Variants in TENM2 observed in about 807,000 individuals in gnomAD.
The protein encoded by TENM2 is teneurin transmembrane protein 2.
TENM2 carries 52 observed loss-of-function variants against 245.2 expected under a neutral mutation model. The ratio of observed to expected loss-of-function variants is 0.21; its 90% CI spans 0.17 to 0.27. The LOEUF (loss-of-function observed/expected upper bound fraction) is 0.27, where lower values mean the gene tolerates loss of function less well. Ranked by LOEUF, TENM2 falls within the 10% of genes least tolerant of loss-of-function variation. TENM2 has a pLI of 1.00. For synonymous variants in TENM2, 1,363 were observed against 1,438.9 expected (o/e 0.95, Z 1.19); for missense variants, 3,046 against 3,666.8 (o/e 0.83, Z 4.37).
At chr5:167,569,404 T>C (rs1248905314) in intron 2 of TENM2, among the ~76,000 whole-genome samples, 2 of 152,126 alleles carry the variant, frequency 1.3e-5, no homozygotes, top group South Asian at 2.1e-4. Flanking sequence ...TCTCATTTAA[T>C]TTAAACATAT....
At chr5:167,705,337 G>T (rs1052819231) in intron 2 of TENM2, among the ~76,000 whole-genome samples, 3 of 152,136 alleles carry the variant, frequency 2.0e-5, no homozygotes, top group African/African-American at 7.2e-5. Flanking sequence ...TAATTATCAA[G>T]ATCTTGACTT....
the TENM2 span, among the ~76,000 whole-genome samples, chr5:167,225,176 GC>G: frequency 6.6e-6 from 1 of 151,626 alleles, no homozygotes; most frequent in Non-Finnish European, 1.5e-5. Flanking sequence ...CAATTTCAAT[GC>G]CTTTTAGGGC....
exon 22 of TENM2, chr5:168,216,864 C>G (rs1367922380): frequency 5.0e-6 from 8 of 1,613,870 alleles, no homozygotes; most frequent in Middle Eastern, 1.6e-4. Context: ...CTGCTGGGCT[C>G]CAATGACCTC....
At chr5:167,552,176 T>C (rs1415341365) in intron 2 of TENM2, among the ~76,000 whole-genome samples, 1 of 152,204 alleles carries the variant, frequency 6.6e-6, no homozygotes, top group Non-Finnish European at 1.5e-5. Flanking sequence ...GGCAAAATTC[T>C]TGGTCCACTT....
the TENM2 span, among the ~76,000 whole-genome samples, chr5:167,278,655 T>A: frequency 6.6e-6 from 1 of 152,170 alleles, no homozygotes; most frequent in African/African-American, 2.4e-5. Context: ...TCTACTCCTT[T>A]CATCATTTTA....
rs566795612 is a variant in TENM2 at position 167,642,250 on chromosome 5, T to A, written c.503-233736T>A. On this transcript the variant is annotated intron_variant, in intron 2 of 28. Transcript: ENST00000518659. ...GCAGCAAATAGTTCTCTTTAAGGCT[T>A]TTTCTCTTTGCTTACTCTCCATTTT... is the stretch of plus-strand genomic sequence containing the variant. 2.0e-4 allele frequency among the ~76,000 whole-genome samples: 30 copies of A among 152,242 alleles called. No homozygotes were observed. The South Asian group carries it at 5.8e-3, about 29-fold the overall frequency.
At chr5:167,507,833 CTTTCTTT>C (rs984885298) in intron 2 of TENM2, among the ~76,000 whole-genome samples, 4 of 151,882 alleles carry the variant, frequency 2.6e-5, no homozygotes, top group African/African-American at 9.7e-5. Context: ...GTTTTGTTTT[CTTTCTTT>C]TTTCTTTTTT....
intron 4 of TENM2, among the ~76,000 whole-genome samples, chr5:167,989,738 C>G (rs886106295): frequency 6.6e-6 from 1 of 152,026 alleles, no homozygotes; most frequent in Admixed American, 6.6e-5. Context: ...ATTCATTAAG[C>G]TATTGGATGG....
chr5:167,930,771 T>TTA lies in TENM2; in HGVS notation c.713-21817_713-21816insTA, dbSNP rs760782657. ...TCTAAAGAAGAGAATTTTTTTTTTT[T>TTA]AAAAAAGCATGATTTCTTTTCAAGG... On this transcript the variant is annotated intron_variant, in intron 3 of 28. Transcript: ENST00000518659. 5.3e-5 allele frequency among the ~76,000 whole-genome samples: 8 copies of TTA among 151,774 alleles called. 1 individual carries two copies. Among genetic ancestry groups the TTA allele is most frequent in the African/African-American group, 1.5e-4 (6 of 41,364 alleles).
At chr5:167,419,456 G>T (rs978039655) in intron 2 of TENM2, among the ~76,000 whole-genome samples, 1 of 152,084 alleles carries the variant, frequency 6.6e-6, no homozygotes, top group Admixed American at 6.6e-5. Context: ...GTGAGACGTC[G>T]TCTCAAAGTA....
intron 1 of TENM2, among the ~76,000 whole-genome samples, chr5:167,349,769 A>G (rs2127837368): frequency 6.6e-6 from 1 of 152,230 alleles, no homozygotes; most frequent in East Asian, 1.9e-4. Context: ...TTCTGATACT[A>G]GCTTAGGTAA....
Position 167,519,450 on chromosome 5 carries a change from C to A in TENM2, c.502+143977C>A, listed in dbSNP as rs59022582. ...AACACAAAACAAGTTCTTTCTCAGA[C>A]ATTGAATTATTAAACTAATGGCATT... On this transcript the variant is annotated intron_variant, in intron 2 of 28. Coordinates refer to ENST00000518659, the Ensembl canonical transcript of TENM2. Among the ~76,000 whole-genome samples the A allele has an allele frequency of 3.2e-3, 490 of 152,198 alleles. 26 individuals are homozygous for A. The South Asian group carries it at 0.081, about 25-fold the overall frequency.
chr5:167,935,891 A>AT (rs936436358), intron 3 of TENM2, among the ~76,000 whole-genome samples: 273 of 149,992 alleles, frequency 1.8e-3, no homozygotes, highest in South Asian at 4.5e-3. Context: ...AACAGGTATG[A>AT]TTTTTTTTTT....
At chr5:167,089,889 G>T in the TENM2 span, among the ~76,000 whole-genome samples, 4 of 152,114 alleles carry the variant, frequency 2.6e-5, no homozygotes, top group Non-Finnish European at 1.5e-5. Context: ...AGCGAGGAAG[G>T]GGGTATCAGT....
chr5:168,201,899 C>T (rs137888660), intron 17 of TENM2, among the ~76,000 whole-genome samples: 409 of 152,232 alleles, frequency 2.7e-3, no homozygotes, highest in Middle Eastern at 0.014. Context: ...TGCATAATTA[C>T]GGCTATTTGG....
chr5:168,141,339 G>A (rs1022996509), intron 12 of TENM2, among the ~76,000 whole-genome samples: 1 of 152,160 alleles, frequency 6.6e-6, no homozygotes, highest in African/African-American at 2.4e-5. Flanking sequence ...CTGCATGCAG[G>A]CATGCCATAA....
chr5:167,476,091 C>T (rs577897648), intron 2 of TENM2, among the ~76,000 whole-genome samples: 94 of 152,096 alleles, frequency 6.2e-4, no homozygotes, highest in South Asian at 2.1e-4. Flanking sequence ...TTGTTATTTT[C>T]GTTGAAGTAT....
the TENM2 span, among the ~76,000 whole-genome samples, chr5:167,209,228 C>A: frequency 6.6e-6 from 1 of 151,914 alleles, no homozygotes; most frequent in Non-Finnish European, 1.5e-5. Flanking sequence ...GCTTTCCTGG[C>A]ATATGAAAAA....
At chr5:168,020,862 T>C (rs1786082741) in intron 5 of TENM2, among the ~76,000 whole-genome samples, 1 of 152,148 alleles carries the variant, frequency 6.6e-6, no homozygotes, top group African/African-American at 2.4e-5. Context: ...TTTCTTTGAG[T>C]GCAGTTTCCT....
Sources: gnomAD v4.1 joint callset for allele counts (sites outside exome capture counted in the v4.1 genomes callset) on GRCh38, gnomAD v4.1.1 for gene constraint, MANE v1.5 for transcripts, NCBI Gene and HGNC (gene_info 2026-07-23, HGNC 2026-07-21) for gene names.